Variants in CDH13 observed in about 807,000 individuals in gnomAD.
The protein encoded by CDH13 is cadherin 13.
A neutral mutation model predicts 63.8 loss-of-function variants in CDH13; 24 were observed. The ratio of observed to expected loss-of-function variants is 0.38; its 90% confidence interval spans 0.27 to 0.53. CDH13 has a LOEUF of 0.53. Among genes scored for constraint, CDH13 ranks in the 20% least tolerant of loss-of-function variants. CDH13 has a pLI of 0.85. For missense variants in CDH13, 1,049 were observed against 903.1 expected, an observed-to-expected ratio of 1.16 and a Z score of -2.07; for synonymous variants, 503 against 355.3, an observed-to-expected ratio of 1.42 and a Z score of -4.67.
intron 5 of CDH13, among the ~76,000 whole-genome samples, chr16:83,232,217 T>TTTTC (rs1555516434): frequency 9.2e-6 from 1 of 109,252 alleles, no homozygotes; most frequent in Non-Finnish European, 2.0e-5. Flanking sequence ...TTCTTTTTTT[T>TTTTC]TTTTTTTTTT....
At chr16:82,738,771 C>A (rs2033801477) in intron 1 of CDH13, among the ~76,000 whole-genome samples, 1 of 152,180 alleles carries the variant, frequency 6.6e-6, no homozygotes, top group South Asian at 2.1e-4. Flanking sequence ...ACTCTCTATG[C>A]CCTAAAATTT....
intron 10 of CDH13, among the ~76,000 whole-genome samples, chr16:83,683,558 C>T (rs1031747166): frequency 3.9e-5 from 6 of 152,140 alleles, no homozygotes; most frequent in Admixed American, 6.5e-5. Context: ...CATTATTTTT[C>T]GTCGCTGAAT....
intron 11 of CDH13, among the ~76,000 whole-genome samples, chr16:83,761,986 G>GCA (rs1914009997): frequency 6.6e-6 from 1 of 152,258 alleles, no homozygotes; most frequent in Non-Finnish European, 1.5e-5. Flanking sequence ...AGAATCGCTT[G>GCA]ACCCTGGGAG....
intron 7 of CDH13, among the ~76,000 whole-genome samples, chr16:83,525,309 G>A (rs2074936724): frequency 6.6e-6 from 1 of 152,208 alleles, no homozygotes; most frequent in Non-Finnish European, 1.5e-5. Context: ...TGTGTGTCAT[G>A]CACACTGACT....
chr16:83,604,682 T>C (rs79523105), intron 8 of CDH13, among the ~76,000 whole-genome samples: 3,047 of 152,284 alleles, frequency 0.02, 96 homozygotes, highest in African/African-American at 0.069. Flanking sequence ...TTTTTGTTTA[T>C]CTTTATAATT....
intron 10 of CDH13, among the ~76,000 whole-genome samples, chr16:83,743,946 A>C (rs980057042): frequency 1.5e-4 from 23 of 151,950 alleles, no homozygotes; most frequent in Middle Eastern, 3.4e-3. Context: ...GGAATCCAGC[A>C]TGCTGGTGCT....
At chr16:82,752,884 T>C (rs2034473988) in intron 1 of CDH13, among the ~76,000 whole-genome samples, 1 of 152,246 alleles carries the variant, frequency 6.6e-6, no homozygotes, top group Admixed American at 6.5e-5. Flanking sequence ...ACCCCATTAT[T>C]GTACCCCATT....
intron 2 of CDH13, among the ~76,000 whole-genome samples, chr16:82,965,556 C>A (rs915498235): frequency 1.3e-5 from 2 of 152,118 alleles, no homozygotes; most frequent in Admixed American, 6.5e-5. Flanking sequence ...TTTTGAGATG[C>A]AGTCTCACTC....
rs1402879507 is a variant in CDH13, at chr16:83,130,256, G to T, written c.483+4755G>T. On this transcript the variant is annotated intron_variant, in intron 4 of 13. Coordinates refer to ENST00000567109, the MANE Select transcript of CDH13 (RefSeq NM_001257.5). ...CCACATGAGGATCATTTTCCAGCAT[G>T]CCAATGAAGGTAATGAGACTCAGGG... Among the ~76,000 whole-genome samples, 5 of 152,174 alleles carry T rather than the reference G, an allele frequency of 3.3e-5. No homozygotes were observed. The East Asian group carries it at 7.7e-4, about 23-fold the overall frequency.
intron 11 of CDH13, among the ~76,000 whole-genome samples, chr16:83,756,635 G>A (rs8048289): frequency 0.31 from 47,871 of 152,050 alleles, 7,654 homozygotes; most frequent in Admixed American, 0.35. Flanking sequence ...CTTCCAATGT[G>A]GCCCAGGGAA....
chr16:82,998,320 C>G (rs1912473952), intron 2 of CDH13, among the ~76,000 whole-genome samples: 2 of 152,204 alleles, frequency 1.3e-5, no homozygotes, highest in Admixed American at 1.3e-4. Context: ...GACATTTTGA[C>G]AAAAGAGAAA....
At chr16:82,933,252 C>T (rs769739128) in intron 2 of CDH13, among the ~76,000 whole-genome samples, 19 of 151,974 alleles carry the variant, frequency 1.3e-4, no homozygotes, top group Non-Finnish European at 1.8e-4. Context: ...ACAGTATGGC[C>T]GAAGGGGAAG....
rs750432481 is a variant in CDH13 at position 83,447,096 on chromosome 16, C to CTTTTT, written c.782-39355_782-39351dup. Among the ~76,000 whole-genome samples the CTTTTT allele has an allele frequency of 6.0e-4, 25 of 41,512 alleles. 3 individuals carry two copies. Among genetic ancestry groups the CTTTTT allele is most frequent in the South Asian group, 9.2e-4 (1 of 1,092 alleles). The allele number at this position is 41,512 out of a possible 152,430, so 27.2% of individuals were successfully genotyped here. A position where few individuals can be genotyped will look rare whatever the true frequency, so the allele number is the denominator to read the frequency against. ...AAAACAAAAAACACCTTATAGTAAC[C>CTTTTT]TTTTTTTTTTTTTTTTTTTTTTTTT... On this transcript the variant is annotated intron_variant, in intron 6 of 13. Coordinates refer to ENST00000567109, the MANE Select transcript of CDH13 (RefSeq NM_001257.5).
At chr16:83,128,500 T>C (rs1484867115) in intron 4 of CDH13, among the ~76,000 whole-genome samples, 3 of 152,228 alleles carry the variant, frequency 2.0e-5, no homozygotes, top group African/African-American at 7.2e-5. Flanking sequence ...TAGTACACAA[T>C]ACTTTCAGTT....
At chr16:83,080,867 TTG>T in intron 3 of CDH13, among the ~76,000 whole-genome samples, 1 of 126,250 alleles carries the variant, frequency 7.9e-6, no homozygotes, top group African/African-American at 3.0e-5. Context: ...TGTTTTGTTT[TTG>T]TGTTTTTTTT....
chr16:83,106,668 G>A (rs564772742), intron 3 of CDH13, among the ~76,000 whole-genome samples: 6 of 152,334 alleles, frequency 3.9e-5, no homozygotes, highest in Non-Finnish European at 5.9e-5. Context: ...AATCTTTGAC[G>A]TGGGAGGAAA....
intron 1 of CDH13, among the ~76,000 whole-genome samples, chr16:82,759,227 A>G (rs2034736633): frequency 6.6e-6 from 1 of 152,298 alleles, no homozygotes; most frequent in South Asian, 2.1e-4. Flanking sequence ...GATTTTTAAT[A>G]TAAACTTTAT....
intron 2 of CDH13, among the ~76,000 whole-genome samples, chr16:83,022,139 G>A (rs191364535): frequency 1.3e-5 from 2 of 152,326 alleles, no homozygotes; most frequent in African/African-American, 4.8e-5. Flanking sequence ...GATATGAAAA[G>A]CAATTAAGTG....
intron 3 of CDH13, among the ~76,000 whole-genome samples, chr16:83,089,644 G>A (rs1034781917): frequency 2.0e-5 from 3 of 152,172 alleles, no homozygotes; most frequent in Admixed American, 6.5e-5. Context: ...GAGCACTCTT[G>A]GTTTCTAGAA....
Sources: gnomAD v4.1 joint callset for allele counts (sites outside exome capture counted in the v4.1 genomes callset) on GRCh38, gnomAD v4.1.1 for gene constraint, MANE v1.5 for transcripts, NCBI Gene and HGNC (gene_info 2026-07-23, HGNC 2026-07-21) for gene names.